SLC22A9: variants seen among roughly 807,000 people sequenced by gnomAD.
SLC22A9 encodes the protein solute carrier family 22 member 9, also known as organic anion transporter 7.
SLC22A9 carries 64 observed loss-of-function variants against 50.1 expected under a neutral mutation model. The observed-to-expected ratio is 1.28, with a 90% CI of 1.04 to 1.57. The LOEUF (loss-of-function observed/expected upper bound fraction) is 1.57, where lower values mean the gene tolerates loss of function less well. SLC22A9 is among the 40% of genes most tolerant of loss of function. The pLI is 0.00. For missense variants in SLC22A9, 757 were observed against 676.1 expected, an observed-to-expected ratio of 1.12 and a Z score of -1.33; for synonymous variants, 261 against 242.5, an observed-to-expected ratio of 1.08 and a Z score of -0.71.
At chr11:63,380,378 C>T (rs945415531) in intron 5 of SLC22A9, among the ~76,000 whole-genome samples, 1 of 152,136 alleles carries the variant, frequency 6.6e-6, no homozygotes, top group Non-Finnish European at 1.5e-5. Flanking sequence ...CATAAAGGCA[C>T]ATGCATATGT....
intron 6 of SLC22A9, among the ~76,000 whole-genome samples, chr11:63,403,992 CA>C (rs2014995696): frequency 6.6e-6 from 1 of 151,998 alleles, no homozygotes; most frequent in Admixed American, 6.6e-5. Context: ...TATGGGATCT[CA>C]ATTCTTCAGA....
At chr11:63,383,652 G>A (rs190846888) in intron 6 of SLC22A9, among the ~76,000 whole-genome samples, 11 of 151,964 alleles carry the variant, frequency 7.2e-5, no homozygotes, top group Admixed American at 4.6e-4. Context: ...ACTCAAAAGG[G>A]AACAAAAAAA....
At chr11:63,390,591 G>A (rs2014746615) in intron 6 of SLC22A9, among the ~76,000 whole-genome samples, 2 of 152,096 alleles carry the variant, frequency 1.3e-5, no homozygotes, top group African/African-American at 2.4e-5. Context: ...TTAAGTTACT[G>A]TAACTTTTGG....
At chr11:63,372,028 A>G (rs906429929) in intron 2 of SLC22A9, among the ~76,000 whole-genome samples, 1 of 152,148 alleles carries the variant, frequency 6.6e-6, no homozygotes, top group Non-Finnish European at 1.5e-5. Flanking sequence ...ATGAGCTAAG[A>G]GTCAGAGGGT....
intron 5 of SLC22A9, among the ~76,000 whole-genome samples, chr11:63,381,394 T>C (rs996161478): frequency 6.6e-6 from 1 of 152,172 alleles, no homozygotes; most frequent in Admixed American, 6.5e-5. Flanking sequence ...TAATGCTTCA[T>C]TCCATAACTG....
Position 63,375,777 on chromosome 11 carries a change from G to T in SLC22A9, c.954+9G>T. 1 of 1,610,900 alleles carries T rather than the reference G, an allele frequency of 6.2e-7. No homozygotes were observed. Among genetic ancestry groups the T allele is most frequent in the Non-Finnish European group, 8.5e-7 (1 of 1,177,930 alleles). Reference sequence around the variant, plus strand: ...ACACCCTAACCCTGGAGGTGAGCTGGATGGGAGCTAGATATGGGATGTAGG... The same window carrying T: ...ACACCCTAACCCTGGAGGTGAGCTGTATGGGAGCTAGATATGGGATGTAGG... On this transcript the variant is annotated intron_variant, in intron 5 of 9. Transcript: ENST00000279178.
In SLC22A9 at chr11:63,369,938, A is replaced by T; in HGVS notation, c.-119A>T. ...GGGGAAGCACAGTCGTCAAGAAGAGAGTGGGGTCAGGATCAAAACACATTT... is the reference window on the plus strand; with the variant it reads ...GGGGAAGCACAGTCGTCAAGAAGAGTGTGGGGTCAGGATCAAAACACATTT... On this transcript the variant is annotated 5_prime_UTR_variant, in exon 1 of 10. Transcript: ENST00000279178. The T allele has an allele frequency of 1.0e-6, 1 of 996,170 alleles. No individual in the cohort carries two copies. The highest frequency in any genetic ancestry group is 1.4e-6 in the Non-Finnish European group (1 of 690,212). 61.7% of individuals were successfully genotyped at this position (996,170 alleles called of 1,614,324 possible). A position where few individuals can be genotyped will look rare whatever the true frequency, so the allele number is the denominator to read the frequency against.
In SLC22A9 at chr11:63,374,073, G is replaced by A. The variant is rs549293287; in HGVS notation, c.830+11G>A. On this transcript the variant is annotated intron_variant, in intron 4 of 9. Coordinates refer to ENST00000279178, the MANE Select transcript of SLC22A9 (RefSeq NM_080866.3). Reference sequence around the variant, plus strand: ...CTTTCTGACCTCAAGGTATGAGTTTGTTTCTTCTTTTGTCTTAATGAGATA... The same window carrying A: ...CTTTCTGACCTCAAGGTATGAGTTTATTTCTTCTTTTGTCTTAATGAGATA... The A allele has an allele frequency of 1.9e-6, 3 of 1,596,706 alleles. No individual in the cohort carries two copies. Among genetic ancestry groups the A allele is most frequent in the African/African-American group, 2.7e-5 (2 of 74,180 alleles).
chr11:63,371,779 C>T (rs2014363962), intron 2 of SLC22A9, among the ~76,000 whole-genome samples: 1 of 152,116 alleles, frequency 6.6e-6, no homozygotes, highest in African/African-American at 2.4e-5. Context: ...TTTTTAGAAC[C>T]ATGTGAGGTA....
intron 6 of SLC22A9, 43 bp downstream of exon 6, chr11:63,382,320 G>A: frequency 7.1e-7 from 1 of 1,404,422 alleles, no homozygotes; most frequent in South Asian, 1.3e-5. Context: ...CAGTACTGGA[G>A]ACATGAATCT....
intron 6 of SLC22A9, among the ~76,000 whole-genome samples, chr11:63,388,061 C>T (rs1011045272): frequency 6.6e-6 from 1 of 151,924 alleles, no homozygotes; most frequent in South Asian, 2.1e-4. Flanking sequence ...TTTCTAATAG[C>T]TTTGTGGTGG....
chr11:63,409,342 G>T (rs2015095794), intron 9 of SLC22A9, among the ~76,000 whole-genome samples: 1 of 152,234 alleles, frequency 6.6e-6, no homozygotes, highest in South Asian at 2.1e-4. Flanking sequence ...GCAGATGCAG[G>T]GGTATCCAAT....
intron 6 of SLC22A9, among the ~76,000 whole-genome samples, chr11:63,392,317 C>T (rs2014778265): frequency 6.6e-6 from 1 of 151,990 alleles, no homozygotes. Flanking sequence ...GAGTTTTGTA[C>T]ATTCAGATGA....
At chr11:63,371,935 C>A (rs1024326579) in intron 2 of SLC22A9, among the ~76,000 whole-genome samples, 1 of 152,138 alleles carries the variant, frequency 6.6e-6, no homozygotes, top group African/African-American at 2.4e-5. Context: ...TGAAGTGCCA[C>A]TTGCCATCCA....
intron 6 of SLC22A9, among the ~76,000 whole-genome samples, chr11:63,393,916 C>T (rs1027364469): frequency 2.0e-5 from 3 of 152,086 alleles, no homozygotes; most frequent in African/African-American, 7.2e-5. Flanking sequence ...CCATCCTCCC[C>T]ATCACTTTCA....
In SLC22A9 at chr11:63,409,825, AG is replaced by A; in HGVS notation, c.1626del (p.Lys542AsnfsTer9). The A allele has an allele frequency of 6.2e-7, 1 of 1,613,780 alleles. No homozygotes were observed. The highest frequency in any genetic ancestry group is 8.5e-7 in the Non-Finnish European group (1 of 1,179,852). On this transcript the variant is annotated frameshift_variant, in exon 10 of 10. Transcript: ENST00000279178. LOFTEE classifies it high-confidence loss of function. ...AGGAGAAAAGACCCCAGAGAACCAA[AG>A]CAAGAGGATCCGAGAGTGGAAGTGA... ...KNERKDPREP[K>X]QEDPRVEVTQ... is the part of the protein sequence containing the mutation.
At chr11:63,378,081 T>G (rs1347929939) in intron 5 of SLC22A9, among the ~76,000 whole-genome samples, 1 of 151,910 alleles carries the variant, frequency 6.6e-6, no homozygotes, top group East Asian at 1.9e-4. Flanking sequence ...GAAAAATCCC[T>G]GGGCCACATG....
chr11:63,387,385 G>A (rs1267710442), intron 6 of SLC22A9, among the ~76,000 whole-genome samples: 1 of 151,954 alleles, frequency 6.6e-6, no homozygotes, highest in African/African-American at 2.4e-5. Flanking sequence ...CAAGCACCAT[G>A]TATTGAAAAG....
At chr11:63,391,494 A>G (rs529025983) in intron 6 of SLC22A9, among the ~76,000 whole-genome samples, 3 of 152,064 alleles carry the variant, frequency 2.0e-5, no homozygotes, top group South Asian at 4.1e-4. Context: ...TGCTTTATAT[A>G]CCTGGGTGTG....
Sources: gnomAD v4.1 joint callset for allele counts (sites outside exome capture counted in the v4.1 genomes callset) on GRCh38, gnomAD v4.1.1 for gene constraint, MANE v1.5 for transcripts, NCBI Gene and HGNC (gene_info 2026-07-23, HGNC 2026-07-21) for gene names.